Variants in USP32 observed in about 807,000 individuals in gnomAD.
USP32 encodes ubiquitin carboxyl-terminal hydrolase 32.
A neutral mutation model predicts 204.8 loss-of-function variants in USP32; 59 were observed. The ratio of observed to expected loss-of-function variants is 0.29; its 90% CI spans 0.23 to 0.36. The LOEUF (loss-of-function observed/expected upper bound fraction) is 0.36, where lower values mean the gene tolerates loss of function less well. Ranked by LOEUF, USP32 falls within the 10% of genes least tolerant of loss-of-function variation. The pLI, the probability that USP32 is intolerant of heterozygous loss-of-function variation, is 1.00. For missense variants in USP32, 1,160 were observed against 1,946.4 expected (o/e 0.60, Z 7.60); for synonymous variants, 517 against 678.4 (o/e 0.76, Z 3.70).
At chr17:60,298,740 TA>T (rs1467069094) in intron 3 of USP32, among the ~76,000 whole-genome samples, 1 of 152,218 alleles carries the variant, frequency 6.6e-6, no homozygotes, top group African/African-American at 2.4e-5. Flanking sequence ...ATCACAATTA[TA>T]TTCCAATACA....
intron 1 of USP32, among the ~76,000 whole-genome samples, chr17:60,355,427 G>A (rs1179271785): frequency 2.6e-5 from 4 of 152,050 alleles, no homozygotes; most frequent in Non-Finnish European, 4.4e-5. Flanking sequence ...ACCGATTGCC[G>A]GAATGGTAAA....
At chr17:60,268,464 C>A (rs1350449708) in intron 7 of USP32, among the ~76,000 whole-genome samples, 10 of 149,626 alleles carry the variant, frequency 6.7e-5, no homozygotes, top group African/African-American at 2.5e-4. Flanking sequence ...TCCCAGCTAC[C>A]TAGGAGGCTA....
chr17:60,413,645 C>G (rs1454742655), intron 1 of USP32, among the ~76,000 whole-genome samples: 1 of 151,858 alleles, frequency 6.6e-6, no homozygotes, highest in Non-Finnish European at 1.5e-5. Flanking sequence ...GTGAGCAGAT[C>G]ACGAGGTCAG....
intron 2 of USP32, among the ~76,000 whole-genome samples, chr17:60,342,455 T>A (rs2088683383): frequency 6.6e-6 from 1 of 152,236 alleles, no homozygotes; most frequent in Non-Finnish European, 1.5e-5. Flanking sequence ...CACTGCTCTC[T>A]TCGGAGCTGT....
chr17:60,329,480 AT>A lies in USP32; in HGVS notation c.186+16000del, dbSNP rs113454063. ...TTATCATTATAATTTGTTTTTATTTATTTTTTTTTTTTGAGATGAGGTCTCA... is the reference window on the plus strand; with the variant it reads ...TTATCATTATAATTTGTTTTTATTTATTTTTTTTTTTGAGATGAGGTCTCA... On this transcript the variant is annotated intron_variant, in intron 2 of 33. Coordinates refer to ENST00000300896, the MANE Select transcript of USP32 (RefSeq NM_032582.4). Among the ~76,000 whole-genome samples the A allele has an allele frequency of 3.6e-3, 517 of 144,756 alleles. 4 individuals carry two copies. Among genetic ancestry groups the A allele is most frequent in the South Asian group, 0.019 (86 of 4,622 alleles). The allele number at this position is 144,756 out of a possible 152,430, so 95.0% of individuals were successfully genotyped here.
chr17:60,300,281 G>A (rs1040249741), intron 3 of USP32, among the ~76,000 whole-genome samples: 1 of 152,046 alleles, frequency 6.6e-6, no homozygotes, highest in African/African-American at 2.4e-5. Context: ...CTGTCTTTGG[G>A]GAGTTCAAAG....
intron 17 of USP32, 125 bp downstream of exon 17, chr17:60,214,495 T>G (rs1488510868): frequency 2.5e-6 from 2 of 785,022 alleles, no homozygotes; most frequent in Non-Finnish European, 4.0e-6. Context: ...ATTAGCCTTG[T>G]GCTCTTTGGC....
At chr17:60,254,483 T>C in intron 10 of USP32, among the ~76,000 whole-genome samples, 1 of 152,184 alleles carries the variant, frequency 6.6e-6, no homozygotes, top group African/African-American at 2.4e-5. Context: ...GAAGAACTAC[T>C]TGAGCCTAGG....
chr17:60,346,948 T>C (rs1401379425), intron 1 of USP32, among the ~76,000 whole-genome samples: 1 of 152,194 alleles, frequency 6.6e-6, no homozygotes, highest in Non-Finnish European at 1.5e-5. Context: ...ACAGAGACTC[T>C]GTCCTGTCAT....
chr17:60,264,359 A>G (rs1186653565), intron 9 of USP32, among the ~76,000 whole-genome samples: 1 of 151,410 alleles, frequency 6.6e-6, no homozygotes, highest in Non-Finnish European at 1.5e-5. Context: ...TCTACAAAAA[A>G]AAAAAAAAAT....
chr17:60,298,779 T>C (rs1045694952), intron 3 of USP32, among the ~76,000 whole-genome samples: 2 of 152,200 alleles, frequency 1.3e-5, no homozygotes, highest in African/African-American at 4.8e-5. Flanking sequence ...ATACATTCAT[T>C]ATCTTGATTA....
intron 1 of USP32, among the ~76,000 whole-genome samples, chr17:60,349,983 G>A (rs1170143325): frequency 2.0e-5 from 3 of 150,690 alleles, no homozygotes; most frequent in East Asian, 3.9e-4. Context: ...CCTAAGTTCT[G>A]CTCTGTGGTT....
At chr17:60,363,840 G>A (rs1185681802) in intron 1 of USP32, among the ~76,000 whole-genome samples, 2 of 151,850 alleles carry the variant, frequency 1.3e-5, no homozygotes, top group Non-Finnish European at 2.9e-5. Flanking sequence ...TCAACTCTGT[G>A]TTGGTTCCTT....
intron 9 of USP32, among the ~76,000 whole-genome samples, chr17:60,261,657 TAAAAACAAAAAC>T (rs1173988401): frequency 6.6e-6 from 1 of 150,560 alleles, no homozygotes; most frequent in Admixed American, 6.6e-5. Context: ...AAAACAAAAA[TAAAAACAAAAAC>T]AAAAACAAAA....
At chr17:60,410,121 A>G (rs1206685457) in intron 1 of USP32, among the ~76,000 whole-genome samples, 3 of 152,214 alleles carry the variant, frequency 2.0e-5, no homozygotes, top group Admixed American at 1.3e-4. Context: ...AGTTGCTCCT[A>G]TAGATAACAT....
At chr17:60,317,793 C>A (rs1441070184) in intron 2 of USP32, among the ~76,000 whole-genome samples, 1 of 152,056 alleles carries the variant, frequency 6.6e-6, no homozygotes, top group Non-Finnish European at 1.5e-5. Context: ...TGAGACCAGC[C>A]TGGCCAAAAT....
chr17:60,373,404 A>AT (rs1040295544), intron 1 of USP32, among the ~76,000 whole-genome samples: 2 of 150,444 alleles, frequency 1.3e-5, no homozygotes, highest in East Asian at 3.9e-4. Context: ...AAATTTACTA[A>AT]TTTTTTCTTC....
chr17:60,185,682 T>C (rs1262241293), intron 29 of USP32, 31 bp from the exon 30 acceptor site: 1 of 1,590,824 alleles, frequency 6.3e-7, no homozygotes, highest in African/African-American at 1.3e-5. Flanking sequence ...AGGAAAGGGG[T>C]GCGTGGGAAG....
intron 28 of USP32, among the ~76,000 whole-genome samples, chr17:60,191,400 T>TAAAAAAAA (rs1158204624): frequency 6.8e-5 from 4 of 58,412 alleles, no homozygotes; most frequent in African/African-American, 2.1e-4. Flanking sequence ...AGACTCTGTT[T>TAAAAAAAA]AAAAAAAAAA....
Sources: allele counts gnomAD v4.1 joint callset (sites outside exome capture counted in the v4.1 genomes callset), GRCh38; gene constraint gnomAD v4.1.1; transcripts MANE v1.5; gene names NCBI Gene and HGNC (gene_info 2026-07-23, HGNC 2026-07-21).